The following IKBIP variants were observed in gnomAD, a reference collection of about 807,000 sequenced individuals.
IKBIP encodes IKBKB interacting protein.
Under a neutral mutation model 31.0 loss-of-function variants are expected in IKBIP, and 28 were observed. The ratio of observed to expected loss-of-function variants is 0.90; its 90% CI spans 0.67 to 1.24. The LOEUF (loss-of-function observed/expected upper bound fraction) is 1.24. IKBIP is among the 50% of genes most tolerant of loss of function. IKBIP has a pLI of 0.00. For synonymous variants in IKBIP, 164 were observed against 160.3 expected (o/e 1.02, Z -0.17); for missense variants, 453 against 441.9 (o/e 1.03, Z -0.23).
intron 1 of IKBIP, among the ~76,000 whole-genome samples, chr12:98,635,782 CAGG>C (rs2097625251): frequency 6.6e-6 from 1 of 152,010 alleles, no homozygotes; most frequent in Admixed American, 6.6e-5. Flanking sequence ...TGCAAAATAG[CAGG>C]AGGTGTGAAA....
In IKBIP at chr12:98,644,785, C is replaced by T; in HGVS notation, c.-84G>A. ...GTGGCCGCCTTGGCGTTCGTGGGAA[C>T]CCTGGGCGGTGACCGCGCCCCCTCA... On this transcript the variant is annotated 5_prime_UTR_variant, in exon 1 of 3. Transcript: ENST00000299157. The T allele has an allele frequency of 2.0e-6, 3 of 1,475,338 alleles. No homozygotes were observed. The highest frequency in any genetic ancestry group is 2.8e-6 in the Non-Finnish European group (3 of 1,087,334). 91.4% of individuals were successfully genotyped at this position (1,475,338 alleles called of 1,614,324 possible).
intron 1 of IKBIP, among the ~76,000 whole-genome samples, chr12:98,635,966 A>C (rs2097625416): frequency 6.6e-6 from 1 of 152,226 alleles, no homozygotes; most frequent in South Asian, 2.1e-4. Context: ...GAAGCCCAAA[A>C]AGCTATCTCA....
chr12:98,641,296 C>G (rs2097630248), intron 1 of IKBIP, among the ~76,000 whole-genome samples: 1 of 152,034 alleles, frequency 6.6e-6, no homozygotes, highest in African/African-American at 2.4e-5. Context: ...CACATATGCA[C>G]TTGTATTTTA....
chr12:98,639,304 T>C (rs1305047005), intron 1 of IKBIP, among the ~76,000 whole-genome samples: 4 of 152,232 alleles, frequency 2.6e-5, no homozygotes, highest in African/African-American at 7.2e-5. Flanking sequence ...TTGCACTTGA[T>C]AGAAGCCCCA....
exon 3 of IKBIP, chr12:98,613,495 C>A: frequency 1.5e-6 from 1 of 646,330 alleles, no homozygotes; most frequent in East Asian, 2.9e-5. Context: ...ATGACTTTTG[C>A]TCCAAAATAT....
intron 2 of IKBIP, among the ~76,000 whole-genome samples, chr12:98,628,002 A>G (rs1386106724): frequency 6.6e-6 from 1 of 152,188 alleles, no homozygotes; most frequent in Non-Finnish European, 1.5e-5. Context: ...GGCACCTCCT[A>G]ATCTGTATCT....
chr12:98,621,681 T>C (rs2097610254), downstream of IKBIP, among the ~76,000 whole-genome samples: 1 of 152,188 alleles, frequency 6.6e-6, no homozygotes, highest in African/African-American at 2.4e-5. Flanking sequence ...AAGTCTCCAT[T>C]TCCTTATTTG....
In IKBIP at chr12:98,613,454, T is replaced by G. The variant is rs115250509; in HGVS notation, c.*131A>C. Reference sequence around the variant, plus strand: ...AAATCAACCTGTTTTAAAGTTTTATTTTTACTGTACAAAATAGGATTAAAT... The same window carrying G: ...AAATCAACCTGTTTTAAAGTTTTATGTTTACTGTACAAAATAGGATTAAAT... On this transcript the variant is annotated 3_prime_UTR_variant, in exon 3 of 3. Transcript: ENST00000342502. The G allele has an allele frequency of 5.5e-3, 3,032 of 548,214 alleles. 52 individuals carry two copies. Among genetic ancestry groups the G allele is most frequent in the African/African-American group, 0.044 (2,201 of 50,330 alleles). 34.0% of individuals were successfully genotyped at this position (548,214 alleles called of 1,614,324 possible). A position where few individuals can be genotyped will look rare whatever the true frequency, so the allele number is the denominator to read the frequency against.
intron 2 of IKBIP, among the ~76,000 whole-genome samples, chr12:98,616,210 T>G (rs1308117057): frequency 6.6e-6 from 1 of 152,224 alleles, no homozygotes; most frequent in Middle Eastern, 3.2e-3. Context: ...GATATCTCAT[T>G]GTGGTTTTAA....
chr12:98,642,492 T>C (rs1363549299), intron 1 of IKBIP, among the ~76,000 whole-genome samples: 1 of 152,108 alleles, frequency 6.6e-6, no homozygotes, highest in Non-Finnish European at 1.5e-5. Flanking sequence ...AGGTCAAGCA[T>C]TTTAAGGCAT....
chr12:98,632,529 A>ATG (rs2097621769), intron 2 of IKBIP, among the ~76,000 whole-genome samples: 1 of 77,904 alleles, frequency 1.3e-5, no homozygotes, highest in African/African-American at 4.9e-5. Flanking sequence ...ATATATATAT[A>ATG]TATATATATA....
intron 2 of IKBIP, among the ~76,000 whole-genome samples, chr12:98,632,498 AAAAAAAAAAAAAAAATATATATATATAT>A (rs2097621255): frequency 1.6e-5 from 1 of 61,922 alleles, no homozygotes; most frequent in Non-Finnish European, 3.0e-5. Flanking sequence ...AAAAAAAAAA[AAAAAAAAAAAAAAAATATATATATATAT>A]ATATATATAT....
At chr12:98,629,538 G>A (rs931420095) in intron 2 of IKBIP, among the ~76,000 whole-genome samples, 3 of 152,124 alleles carry the variant, frequency 2.0e-5, no homozygotes, top group Admixed American at 6.6e-5. Context: ...CATCCTTGGT[G>A]ACCGGGCAAG....
At chr12:98,613,777 T>C (rs898791778) in exon 3 of IKBIP, 9 of 1,611,244 alleles carry the variant, frequency 5.6e-6, no homozygotes, top group Non-Finnish European at 6.8e-6. Context: ...AGTCCTTCTT[T>C]AGATTATACA....
exon 3 of IKBIP, chr12:98,613,661 A>G (rs1397802868): frequency 5.0e-6 from 8 of 1,587,838 alleles, no homozygotes; most frequent in East Asian, 2.2e-5. Context: ...TAAATTAGAT[A>G]TTTTTTCACT....
downstream of IKBIP, among the ~76,000 whole-genome samples, chr12:98,621,207 C>A (rs2097609940): frequency 6.6e-6 from 1 of 152,098 alleles, no homozygotes; most frequent in Non-Finnish European, 1.5e-5. Context: ...CAAGATTGTG[C>A]CACTGCACTC....
At chr12:98,618,403 G>T (rs1305830831) in intron 2 of IKBIP, among the ~76,000 whole-genome samples, 1 of 151,968 alleles carries the variant, frequency 6.6e-6, no homozygotes, top group Admixed American at 6.6e-5. Flanking sequence ...GAGGTGGGCG[G>T]ATCACAAGGT....
At position 98,625,200 on chromosome 12, in the gene IKBIP, T is replaced by A. The variant is rs1258662581; in HGVS notation, c.*730A>T. The A allele has an allele frequency of 1.0e-6, 1 of 981,830 alleles. No homozygotes were observed. Among genetic ancestry groups the A allele is most frequent in the African/African-American group, 1.7e-5 (1 of 57,176 alleles). 60.8% of individuals were successfully genotyped at this position (981,830 alleles called of 1,614,324 possible). A position where few individuals can be genotyped will look rare whatever the true frequency, so the allele number is the denominator to read the frequency against. Reference sequence around the variant, plus strand: ...AGGTATATAAAGATATTTCAAAGATTTATATACACATAATTCCTAAGAAAG... The same window carrying A: ...AGGTATATAAAGATATTTCAAAGATATATATACACATAATTCCTAAGAAAG... On this transcript the variant is annotated 3_prime_UTR_variant, in exon 3 of 3. Coordinates refer to ENST00000299157, the MANE Select transcript of IKBIP (RefSeq NM_153687.4).
intron 2 of IKBIP, among the ~76,000 whole-genome samples, chr12:98,617,331 A>T (rs912528598): frequency 6.6e-6 from 1 of 152,222 alleles, no homozygotes; most frequent in Non-Finnish European, 1.5e-5. Context: ...ATGAACTGAA[A>T]GCTCTTAAAT....
Sources: allele counts gnomAD v4.1 joint callset (sites outside exome capture counted in the v4.1 genomes callset), GRCh38; gene constraint gnomAD v4.1.1; transcripts MANE v1.5; gene names NCBI Gene and HGNC (gene_info 2026-07-23, HGNC 2026-07-21).